CCSER1: variants seen among roughly 807,000 people sequenced by gnomAD.
CCSER1 encodes coiled-coil serine rich protein 1, also known as serine-rich coiled-coil domain-containing protein 1.
A neutral mutation model predicts 82.0 loss-of-function variants in CCSER1; 41 were observed. That is an observed-to-expected ratio of 0.50 (90% CI 0.39 to 0.65). CCSER1 has a LOEUF of 0.65. Ranked by LOEUF, CCSER1 falls within the 30% of genes least tolerant of loss-of-function variation. The pLI is 0.00. For synonymous variants in CCSER1, 414 were observed against 383.9 expected, an observed-to-expected ratio of 1.08 and a Z score of -0.92; for missense variants, 1,119 against 1,064.2, an observed-to-expected ratio of 1.05 and a Z score of -0.72.
intron 4 of CCSER1, among the ~76,000 whole-genome samples, chr4:90,426,595 T>A (rs1757558137): frequency 6.6e-6 from 1 of 152,146 alleles, no homozygotes; most frequent in Admixed American, 6.6e-5. Flanking sequence ...AAGCCGAGAT[T>A]TCTTAGGAAT....
intron 10 of CCSER1, among the ~76,000 whole-genome samples, chr4:91,245,442 A>C (rs1019364694): frequency 6.6e-6 from 1 of 152,172 alleles, no homozygotes; most frequent in Non-Finnish European, 1.5e-5. Flanking sequence ...CAAAACATCT[A>C]ATAGCAGACT....
At chr4:90,171,699 A>C (rs1200417343) in intron 1 of CCSER1, among the ~76,000 whole-genome samples, 1 of 151,902 alleles carries the variant, frequency 6.6e-6, no homozygotes, top group Non-Finnish European at 1.5e-5. Flanking sequence ...CACAATGAGC[A>C]ACGGTGTACC....
chr4:90,369,300 A>G (rs200655218), intron 3 of CCSER1, among the ~76,000 whole-genome samples: 2,877 of 122,838 alleles, frequency 0.023, 40 homozygotes, highest in South Asian at 0.035. Flanking sequence ...GGAGGAAAAG[A>G]AGAAGGACAA....
intron 9 of CCSER1, among the ~76,000 whole-genome samples, chr4:91,073,976 T>C (rs1301133991): frequency 6.6e-6 from 1 of 152,140 alleles, no homozygotes; most frequent in Admixed American, 6.5e-5. Flanking sequence ...TCCAACAATG[T>C]GTTTCTGTCA....
At chr4:91,558,271 C>T (rs71597250) in intron 10 of CCSER1, among the ~76,000 whole-genome samples, 4 of 151,380 alleles carry the variant, frequency 2.6e-5, no homozygotes, top group Non-Finnish European at 5.9e-5. Context: ...ATGTTATTTC[C>T]AGGAATTATT....
intron 1 of CCSER1, among the ~76,000 whole-genome samples, chr4:90,303,094 T>C (rs1004772761): frequency 6.6e-6 from 1 of 152,216 alleles, no homozygotes; most frequent in South Asian, 2.1e-4. Context: ...AGTAGATTTA[T>C]ATCTACTCCA....
At chr4:90,437,412 C>T (rs1217785187) in intron 4 of CCSER1, among the ~76,000 whole-genome samples, 1 of 151,912 alleles carries the variant, frequency 6.6e-6, no homozygotes, top group Non-Finnish European at 1.5e-5. Flanking sequence ...TAAATGTAGA[C>T]AGAGATAATA....
chr4:90,307,975 C>CT (rs1477548821), intron 1 of CCSER1, among the ~76,000 whole-genome samples: 2 of 152,122 alleles, frequency 1.3e-5, no homozygotes, highest in African/African-American at 4.8e-5. Flanking sequence ...TACCTGGTGT[C>CT]TCCAAAGCCA....
intron 1 of CCSER1, among the ~76,000 whole-genome samples, chr4:90,134,375 TTGGGTCAC>T (rs1468668967): frequency 6.6e-6 from 1 of 152,212 alleles, no homozygotes; most frequent in Non-Finnish European, 1.5e-5. Flanking sequence ...CCATTGCTTC[TTGGGTCAC>T]TGAGGACTTG....
intron 5 of CCSER1, among the ~76,000 whole-genome samples, chr4:90,477,871 G>A (rs1765324391): frequency 6.6e-6 from 1 of 151,704 alleles, no homozygotes; most frequent in Non-Finnish European, 1.5e-5. Flanking sequence ...TATGAATAGA[G>A]CATATTTACT....
chr4:91,004,119 T>C (rs528581365), intron 9 of CCSER1, among the ~76,000 whole-genome samples: 2 of 152,328 alleles, frequency 1.3e-5, no homozygotes, highest in South Asian at 2.1e-4. Flanking sequence ...TCGGAGAGTC[T>C]GTGGGTTATC....
At chr4:90,430,328 A>G (rs1758098811) in intron 4 of CCSER1, among the ~76,000 whole-genome samples, 1 of 151,908 alleles carries the variant, frequency 6.6e-6, no homozygotes, top group Admixed American at 6.6e-5. Flanking sequence ...TGAAATGTAA[A>G]AAGAGGGCAA....
intron 1 of CCSER1, among the ~76,000 whole-genome samples, chr4:90,276,307 C>A (rs1578902235): frequency 9.2e-6 from 1 of 109,138 alleles, no homozygotes; most frequent in East Asian, 2.6e-4. Flanking sequence ...TCCTTCCTTC[C>A]TTTCTTTCTT....
intron 10 of CCSER1, among the ~76,000 whole-genome samples, chr4:91,429,810 A>G (rs1754190816): frequency 6.6e-6 from 1 of 151,882 alleles, no homozygotes; most frequent in Non-Finnish European, 1.5e-5. Flanking sequence ...TCTATTGTCT[A>G]TAATCTCAGT....
At position 90,671,862 on chromosome 4, in the gene CCSER1, T is replaced by C. The variant is rs571210454; in HGVS notation, c.1932+43630T>C. Among the ~76,000 whole-genome samples the C allele has an allele frequency of 2.4e-4, 36 of 152,178 alleles. No homozygotes were observed. The East Asian group carries it at 2.9e-3, about 12-fold the overall frequency. ...CTTGATCCATGGGCTGCAGAAGATA[T>C]GTTGTATTAGAAGACATAAAAACAA... is the stretch of plus-strand genomic sequence containing the variant. On this transcript the variant is annotated intron_variant, in intron 6 of 10. Coordinates refer to ENST00000509176, the MANE Select transcript of CCSER1 (RefSeq NM_001145065.2).
At position 91,215,556 on chromosome 4, in the gene CCSER1, G is replaced by C. The variant is rs1219834002; in HGVS notation, c.2217+129562G>C. Among the ~76,000 whole-genome samples, 3 of 152,172 alleles carry C rather than the reference G, an allele frequency of 2.0e-5. No homozygotes were observed. In the East Asian group the frequency reaches 5.8e-4, roughly 29 times the overall value. On this transcript the variant is annotated intron_variant, in intron 10 of 10. Coordinates refer to ENST00000509176, the MANE Select transcript of CCSER1 (RefSeq NM_001145065.2). ...GGTAGGAAGCAACCAGCACAGGAGAGAGATGGAGGCCAGCAGACTAAGCCA... is the reference window on the plus strand; with the variant it reads ...GGTAGGAAGCAACCAGCACAGGAGACAGATGGAGGCCAGCAGACTAAGCCA...
At chr4:90,910,817 C>T (rs72882815) in intron 8 of CCSER1, among the ~76,000 whole-genome samples, 2,351 of 152,204 alleles carry the variant, frequency 0.015, 56 homozygotes, top group African/African-American at 0.053. Flanking sequence ...TAAAACCTCA[C>T]ATTGCTTTTC....
At chr4:90,803,491 T>C (rs947873452) in intron 7 of CCSER1, among the ~76,000 whole-genome samples, 1 of 152,220 alleles carries the variant, frequency 6.6e-6, no homozygotes, top group African/African-American at 2.4e-5. Flanking sequence ...GATAGTTTGC[T>C]GAGAATGATG....
intron 10 of CCSER1, among the ~76,000 whole-genome samples, chr4:91,089,638 G>A (rs1723744790): frequency 6.6e-6 from 1 of 152,144 alleles, no homozygotes; most frequent in Admixed American, 6.6e-5. Flanking sequence ...TAATGATGAA[G>A]CTTTTTATCA....
Sources: gnomAD v4.1 joint callset for allele counts (sites outside exome capture counted in the v4.1 genomes callset) on GRCh38, gnomAD v4.1.1 for gene constraint, MANE v1.5 for transcripts, NCBI Gene and HGNC (gene_info 2026-07-23, HGNC 2026-07-21) for gene names.